The following NBAS variants were observed in gnomAD, a reference collection of about 807,000 sequenced individuals.
NBAS encodes NBAS subunit of NRZ tethering complex.
A neutral mutation model predicts 302.5 loss-of-function variants in NBAS; 219 were observed. The ratio of observed to expected loss-of-function variants is 0.72; its 90% CI spans 0.65 to 0.81. The LOEUF (loss-of-function observed/expected upper bound fraction) is 0.81, where lower values mean the gene tolerates loss of function less well. NBAS is among the 30% of genes least tolerant of loss of function. NBAS has a pLI of 0.00. For synonymous variants in NBAS, 1,118 were observed against 1,021.6 expected, an observed-to-expected ratio of 1.09 and a Z score of -1.80; for missense variants, 2,932 against 2,841.6, an observed-to-expected ratio of 1.03 and a Z score of -0.72.
At chr2:15,040,319 C>T in the NBAS span, among the ~76,000 whole-genome samples, 1 of 152,136 alleles carries the variant, frequency 6.6e-6, no homozygotes, top group Non-Finnish European at 1.5e-5. Context: ...CAATGACTTT[C>T]CCAGGGTAAC....
intron 44 of NBAS, among the ~76,000 whole-genome samples, chr2:15,271,863 C>T (rs1642900112): frequency 6.6e-6 from 1 of 152,156 alleles, no homozygotes. Flanking sequence ...ATGCTTATAA[C>T]AGCTGAATTG....
rs1671584637 is a variant in NBAS, at chr2:15,317,791, C to CGG, written c.4583-8546_4583-8545dup. On this transcript the variant is annotated intron_variant, in intron 38 of 51. Transcript: ENST00000281513. ...GTTTGATTGGTGTACCTGAAAGTGA[C>CGG]GGGGAGAATGGAAACAAGTTGGAAA... Among the ~76,000 whole-genome samples, 4 of 152,224 alleles carry CGG rather than the reference C, an allele frequency of 2.6e-5. 1 individual carries two copies. In the South Asian group the frequency reaches 8.3e-4, roughly 32 times the overall value.
chr2:15,530,187 T>C (rs1324423544), intron 9 of NBAS, among the ~76,000 whole-genome samples: 4 of 152,192 alleles, frequency 2.6e-5, no homozygotes, highest in African/African-American at 4.8e-5. Flanking sequence ...AACAGTATTA[T>C]ATTTATTCAA....
chr2:14,935,753 C>G, the NBAS span, among the ~76,000 whole-genome samples: 1 of 152,288 alleles, frequency 6.6e-6, no homozygotes, highest in African/African-American at 2.4e-5. Flanking sequence ...GCATGTGTGC[C>G]CTCTGGTCTG....
the NBAS span, among the ~76,000 whole-genome samples, chr2:15,034,037 A>AAGG: frequency 6.8e-3 from 286 of 42,012 alleles, 12 homozygotes; most frequent in South Asian, 0.016. Flanking sequence ...GAGGAGGAGG[A>AAGG]AGGAGGAGGA....
chr2:15,348,087 T>C (rs924550578), intron 35 of NBAS, among the ~76,000 whole-genome samples: 37 of 152,254 alleles, frequency 2.4e-4, no homozygotes, highest in African/African-American at 8.7e-4. Context: ...ATATCTACTG[T>C]TAATGTGTAA....
intron 9 of NBAS, among the ~76,000 whole-genome samples, chr2:15,523,151 C>T (rs570865177): frequency 6.6e-6 from 1 of 152,208 alleles, no homozygotes; most frequent in Admixed American, 6.5e-5. Context: ...CGTATGGGTC[C>T]CATGGCATTA....
At chr2:14,848,256 C>A in the NBAS span, among the ~76,000 whole-genome samples, 13 of 150,726 alleles carry the variant, frequency 8.6e-5, no homozygotes, top group Admixed American at 6.6e-4. Context: ...CGAGGCATTG[C>A]CTCACCTGGG....
chr2:15,542,021 G>A (rs1319001445), intron 6 of NBAS, among the ~76,000 whole-genome samples: 1 of 81,512 alleles, frequency 1.2e-5, no homozygotes, highest in African/African-American at 4.4e-5. Flanking sequence ...TCAGCCCCCC[G>A]CCCGGCCAGC....
At chr2:15,290,866 T>A (rs775508986) in intron 41 of NBAS, among the ~76,000 whole-genome samples, 1 of 152,230 alleles carries the variant, frequency 6.6e-6, no homozygotes, top group Non-Finnish European at 1.5e-5. Context: ...CTCTATGCCA[T>A]GCCTCGTTCT....
At chr2:15,559,643 G>A (rs1407453380) in intron 1 of NBAS, among the ~76,000 whole-genome samples, 1 of 152,186 alleles carries the variant, frequency 6.6e-6, no homozygotes, top group Admixed American at 6.5e-5. Context: ...TCAGATGTCT[G>A]CCCTCCAAGA....
chr2:15,549,963 G>A (rs1426395186), intron 6 of NBAS, among the ~76,000 whole-genome samples: 1 of 151,892 alleles, frequency 6.6e-6, no homozygotes, highest in Non-Finnish European at 1.5e-5. Context: ...GGCTAGCCTG[G>A]GCAACAAGGC....
chr2:15,259,303 A>T lies in NBAS; in HGVS notation c.5724+16181T>A, dbSNP rs185260692. ...AAAGTGAAAACTACACAAACTCTCCACACAAAATGACTCCATCCAAACCCC... is the reference window on the plus strand; with the variant it reads ...AAAGTGAAAACTACACAAACTCTCCTCACAAAATGACTCCATCCAAACCCC... On this transcript the variant is annotated intron_variant, in intron 44 of 51. Coordinates refer to ENST00000281513, the MANE Select transcript of NBAS (RefSeq NM_015909.4). 4.4e-3 allele frequency among the ~76,000 whole-genome samples: 669 copies of T among 152,312 alleles called. 3 individuals carry two copies. Among genetic ancestry groups the T allele is most frequent in the Non-Finnish European group, 7.5e-3 (512 of 68,026 alleles).
chr2:15,196,117 C>G (rs1665608143), intron 48 of NBAS, among the ~76,000 whole-genome samples: 1 of 152,210 alleles, frequency 6.6e-6, no homozygotes, highest in African/African-American at 2.4e-5. Context: ...TACTCTCACT[C>G]ACACTCAAAA....
intron 21 of NBAS, among the ~76,000 whole-genome samples, chr2:15,458,378 G>A (rs911758999): frequency 7.2e-5 from 11 of 152,200 alleles, no homozygotes; most frequent in African/African-American, 2.7e-4. Flanking sequence ...TCCCAGTGCT[G>A]GAGGCGGGGT....
the NBAS span, among the ~76,000 whole-genome samples, chr2:15,038,080 A>AAC: frequency 7.1e-6 from 1 of 140,684 alleles, no homozygotes; most frequent in East Asian, 2.1e-4. Context: ...ATAATTATAT[A>AAC]ATATATATAT....
chr2:15,121,300 A>C, the NBAS span, among the ~76,000 whole-genome samples: 2 of 152,204 alleles, frequency 1.3e-5, no homozygotes, highest in African/African-American at 2.4e-5. Flanking sequence ...CTACAGGCTG[A>C]GGCCAGACTC....
rs912363270 is a variant in NBAS at position 15,179,168 on chromosome 2, G to A, written c.6712-52C>T. 1.8e-5 allele frequency: 29 copies of A among 1,612,606 alleles called. No individual in the cohort carries two copies. The Middle Eastern group carries it at 5.4e-4, about 30-fold the overall frequency. ...AGAACTCCACGACGTACTTCTCACC[G>A]GCACGGTTCTGGCTGGATCATTCCA... On this transcript the variant is annotated intron_variant, in intron 50 of 51. Coordinates refer to ENST00000281513, the MANE Select transcript of NBAS (RefSeq NM_015909.4).
intron 40 of NBAS, among the ~76,000 whole-genome samples, chr2:15,303,364 TTAGAGTAGGTACTC>T (rs1180359887): frequency 1.3e-5 from 2 of 152,150 alleles, no homozygotes; most frequent in Non-Finnish European, 2.9e-5. Context: ...TCTATGTCCT[TTAGAGTAGGTACTC>T]TAACGCTGAA....
Sources: gnomAD v4.1 joint callset for allele counts (sites outside exome capture counted in the v4.1 genomes callset) on GRCh38, gnomAD v4.1.1 for gene constraint, MANE v1.5 for transcripts, NCBI Gene and HGNC (gene_info 2026-07-23, HGNC 2026-07-21) for gene names.